Variants in DPYSL2 observed in about 807,000 individuals in gnomAD.
DPYSL2 encodes the protein dihydropyrimidinase like 2.
Under a neutral mutation model 69.9 loss-of-function variants are expected in DPYSL2, and 13 were observed. The ratio of observed to expected loss-of-function variants is 0.19; its 90% CI spans 0.12 to 0.30. DPYSL2 has a LOEUF of 0.30. Ranked by LOEUF, DPYSL2 falls within the 10% of genes least tolerant of loss-of-function variation. The pLI is 1.00. For missense variants in DPYSL2, 587 were observed against 918.9 expected, an observed-to-expected ratio of 0.64 and a Z score of 4.67; for synonymous variants, 326 against 359.1, an observed-to-expected ratio of 0.91 and a Z score of 1.04.
intron 1 of DPYSL2, among the ~76,000 whole-genome samples, chr8:26,538,267 C>A (rs935884415): frequency 1.3e-5 from 2 of 152,146 alleles, no homozygotes; most frequent in African/African-American, 4.8e-5. Context: ...CCAACAAAAA[C>A]AATGAACAAA....
intron 8 of DPYSL2, among the ~76,000 whole-genome samples, chr8:26,639,955 G>A (rs1803003482): frequency 6.6e-6 from 1 of 152,206 alleles, no homozygotes; most frequent in South Asian, 2.1e-4. Context: ...AAACCTGACA[G>A]CACAGTCCCC....
At chr8:26,628,089 G>C in intron 7 of DPYSL2, 149 bp downstream of exon 7, 6 of 771,806 alleles carry the variant, frequency 7.8e-6, no homozygotes, top group South Asian at 5.0e-5. Flanking sequence ...GTGTGTGTCT[G>C]TCTGTCTACG....
intron 1 of DPYSL2, among the ~76,000 whole-genome samples, chr8:26,526,582 A>G (rs1194477252): frequency 6.6e-6 from 1 of 152,224 alleles, no homozygotes; most frequent in Non-Finnish European, 1.5e-5. Context: ...TTCTAGAACC[A>G]TGGTGATAAT....
At chr8:26,632,335 T>G (rs1232881180) in intron 7 of DPYSL2, among the ~76,000 whole-genome samples, 4 of 152,064 alleles carry the variant, frequency 2.6e-5, no homozygotes, top group African/African-American at 9.7e-5. Flanking sequence ...GAGAAAGAGG[T>G]AGACAGAAAG....
At position 26,514,715 on chromosome 8, in the gene DPYSL2, G is replaced by A. The variant is rs766419673; in HGVS notation, c.354+36G>A. On this transcript the variant is annotated intron_variant, in intron 1 of 13. Coordinates refer to ENST00000521913, the MANE Select transcript of DPYSL2 (RefSeq NM_001197293.3). The surrounding 1 kb of genome is among the most constrained non-coding windows in gnomAD (Gnocchi z 8.4). Reference sequence around the variant, plus strand: ...GGGTTGGGGGTGGAGACGGAGGACGGGGCGCGGGGATCGCCCCTCCCTCGC... The same window carrying A: ...GGGTTGGGGGTGGAGACGGAGGACGAGGCGCGGGGATCGCCCCTCCCTCGC... 24 of 1,344,382 alleles carry A rather than the reference G, an allele frequency of 1.8e-5. No individual in the cohort carries two copies. The highest frequency in any genetic ancestry group is 2.2e-5 in the Non-Finnish European group (23 of 1,043,916). The allele number at this position is 1,344,382 out of a possible 1,614,324, so 83.3% of individuals were successfully genotyped here. A position where few individuals can be genotyped will look rare whatever the true frequency, so the allele number is the denominator to read the frequency against.
Position 26,581,952 on chromosome 8 carries a change from C to T in DPYSL2, c.355-17C>T, listed in dbSNP as rs1464165384. ...AGGTCAGTTACGCGTTGTGACCTTACTGCCTCTTTGTTTCAGAGCGATCGT... is the reference window on the plus strand; with the variant it reads ...AGGTCAGTTACGCGTTGTGACCTTATTGCCTCTTTGTTTCAGAGCGATCGT... On this transcript the variant is annotated splice_polypyrimidine_tract_variant and intron_variant, in intron 1 of 13. Coordinates refer to ENST00000521913, the MANE Select transcript of DPYSL2 (RefSeq NM_001197293.3). The T allele has an allele frequency of 8.1e-6, 13 of 1,607,102 alleles. No homozygotes were observed. In the Admixed American group the frequency reaches 2.2e-4, roughly 27 times the overall value.
rs866933022 is a variant in DPYSL2 at position 26,531,760 on chromosome 8, A to G, written c.354+17081A>G. 9.2e-5 allele frequency among the ~76,000 whole-genome samples: 14 copies of G among 152,292 alleles called. No individual in the cohort carries two copies. The South Asian group carries it at 1.7e-3, about 18-fold the overall frequency. ...CAGGGAAGAGAGACAACAGCATTTCAAGAGGTACATGATGGTCAGCAGTAT... is the reference window on the plus strand; with the variant it reads ...CAGGGAAGAGAGACAACAGCATTTCGAGAGGTACATGATGGTCAGCAGTAT... On this transcript the variant is annotated intron_variant, in intron 1 of 13. Transcript: ENST00000521913.
chr8:26,601,620 G>A (rs59497224), intron 3 of DPYSL2, among the ~76,000 whole-genome samples: 4,014 of 151,874 alleles, frequency 0.026, 168 homozygotes, highest in African/African-American at 0.09. Flanking sequence ...CTTGTGATCC[G>A]CCCGTCTTGG....
At chr8:26,568,008 C>T (rs1801179119) in intron 1 of DPYSL2, among the ~76,000 whole-genome samples, 2 of 152,230 alleles carry the variant, frequency 1.3e-5, no homozygotes, top group African/African-American at 4.8e-5. Flanking sequence ...ACTGGTTTGG[C>T]AGTGCCCACA....
Position 26,614,120 on chromosome 8 carries a change from C to T in DPYSL2, c.629-10023C>T, listed in dbSNP as rs1353029715. 6.6e-6 allele frequency among the ~76,000 whole-genome samples: 1 copy of T among 151,814 alleles called. No homozygotes were observed. Among genetic ancestry groups the T allele is most frequent in the African/African-American group, 2.4e-5 (1 of 41,354 alleles). On this transcript the variant is annotated intron_variant, in intron 3 of 13. Coordinates refer to ENST00000521913, the MANE Select transcript of DPYSL2 (RefSeq NM_001197293.3). This position sits in a 1 kb window ranked among gnomAD's most constrained non-coding sequence, Gnocchi z 4.9. Reference sequence around the variant, plus strand: ...TTCCGGCTTGGGTGACAGAACCAGACCCTGTCTCAAAAAAATAAATAAAAG... The same window carrying T: ...TTCCGGCTTGGGTGACAGAACCAGATCCTGTCTCAAAAAAATAAATAAAAG...
chr8:26,532,236 A>G (rs1800519956), intron 1 of DPYSL2, among the ~76,000 whole-genome samples: 1 of 152,168 alleles, frequency 6.6e-6, no homozygotes, highest in Non-Finnish European at 1.5e-5. Flanking sequence ...GGATGAGGTC[A>G]GAGTTGGATT....
In DPYSL2 at chr8:26,567,818, A is replaced by T. The variant is rs74946157; in HGVS notation, c.355-14151A>T. On this transcript the variant is annotated intron_variant, in intron 1 of 13. Coordinates refer to ENST00000521913, the MANE Select transcript of DPYSL2 (RefSeq NM_001197293.3). ...GAGGTAGTGGCCTTAGATGGGGAGA[A>T]GAAGAGATGAAGGGCATCAATTCCC... Among the ~76,000 whole-genome samples the T allele has an allele frequency of 3.2e-3, 485 of 152,306 alleles. 6 individuals are homozygous for T. The highest frequency in any genetic ancestry group is 0.011 in the African/African-American group (456 of 41,552).
chr8:26,529,241 T>A (rs1800449238), intron 1 of DPYSL2, among the ~76,000 whole-genome samples: 1 of 83,382 alleles, frequency 1.2e-5, no homozygotes, highest in Non-Finnish European at 3.0e-5. Context: ...TAAATCTATC[T>A]ATCTATCTAT....
At chr8:26,629,384 G>T (rs1300828584) in intron 7 of DPYSL2, among the ~76,000 whole-genome samples, 1 of 143,296 alleles carries the variant, frequency 7.0e-6, no homozygotes, top group African/African-American at 2.5e-5. Context: ...ACATACACAT[G>T]CAGAGGCAGA....
intron 1 of DPYSL2, among the ~76,000 whole-genome samples, chr8:26,581,128 A>G (rs930834198): frequency 4.6e-5 from 7 of 152,216 alleles, no homozygotes; most frequent in Non-Finnish European, 7.3e-5. Flanking sequence ...TCTTTTTGCT[A>G]TACTTGCTGT....
intron 1 of DPYSL2, among the ~76,000 whole-genome samples, chr8:26,523,165 A>C (rs527430525): frequency 6.6e-6 from 1 of 150,660 alleles, no homozygotes; most frequent in Non-Finnish European, 1.5e-5. Flanking sequence ...ATATATATAT[A>C]TATATTTTTA....
chr8:26,604,856 G>C (rs1802075659), intron 3 of DPYSL2, among the ~76,000 whole-genome samples: 1 of 151,956 alleles, frequency 6.6e-6, no homozygotes, highest in African/African-American at 2.4e-5. Flanking sequence ...AGTAGAGACG[G>C]GGTTTCACCA....
intron 3 of DPYSL2, among the ~76,000 whole-genome samples, chr8:26,592,868 C>G (rs533642979): frequency 6.6e-6 from 1 of 152,268 alleles, no homozygotes; most frequent in African/African-American, 2.4e-5. Context: ...CCCCAAGTCA[C>G]CCATTAAGGG....
intron 1 of DPYSL2, among the ~76,000 whole-genome samples, chr8:26,569,369 AAC>A (rs200301723): frequency 0.16 from 19,747 of 124,102 alleles, 2,149 homozygotes; most frequent in African/African-American, 0.3. Flanking sequence ...AAAAAACAAA[AAC>A]AAAAACAAAA....
Sources: allele counts gnomAD v4.1 joint callset (sites outside exome capture counted in the v4.1 genomes callset), GRCh38; gene constraint gnomAD v4.1.1; non-coding constraint Gnocchi (gnomAD v3.1); transcripts MANE v1.5; gene names NCBI Gene and HGNC (gene_info 2026-07-23, HGNC 2026-07-21).